Variants in PTGER3 observed in about 807,000 individuals in gnomAD.
The protein encoded by PTGER3 is prostaglandin E receptor 3, also known as prostaglandin E2 receptor EP3 subtype.
A neutral mutation model predicts 34.7 loss-of-function variants in PTGER3; 22 were observed. The observed-to-expected ratio is 0.63, with a 90% confidence interval of 0.45 to 0.91. The LOEUF is 0.91. Among genes scored for constraint, PTGER3 ranks in the 40% least tolerant of loss-of-function variants. The pLI is 0.00. For synonymous variants in PTGER3, 241 were observed against 230.1 expected (o/e 1.05, Z -0.43); for missense variants, 468 against 519.4 (o/e 0.90, Z 0.96).
chr1:70,888,841 T>A (rs1186763943), intron 4 of PTGER3, among the ~76,000 whole-genome samples: 1 of 152,138 alleles, frequency 6.6e-6, no homozygotes, highest in Non-Finnish European at 1.5e-5. Context: ...TAGAAAAAGA[T>A]GCCTGTTTCT....
intron 4 of PTGER3, among the ~76,000 whole-genome samples, chr1:70,943,192 C>A (rs148216477): frequency 2.6e-5 from 4 of 152,236 alleles, no homozygotes; most frequent in South Asian, 2.1e-4. Context: ...TAACTCCTGA[C>A]AATATGTTTG....
Position 71,047,118 on chromosome 1 carries a change from C to T in PTGER3, c.460G>A (p.Glu154Lys). 1.2e-6 allele frequency: 2 copies of T among 1,603,396 alleles called. No individual in the cohort carries two copies. Among genetic ancestry groups the T allele is most frequent in the Non-Finnish European group, 8.5e-7 (1 of 1,175,454 alleles). ...SLFIASAMAV[E>K]RALAIRAPHW... is the part of the protein sequence containing the mutation. Reference sequence around the variant, plus strand: ...GGCGCCCTGATGGCCAGCGCCCGCTCGACGGCCATGGCGCTGGCGATGAAC... The same window carrying T: ...GGCGCCCTGATGGCCAGCGCCCGCTTGACGGCCATGGCGCTGGCGATGAAC... Residue 154 changes from glutamate (E) to lysine (K), a missense_variant, in exon 1 of 4, where the codon GAG becomes AAG. By Grantham distance (56) the Glu-to-Lys change is moderately conservative. This residue lies in a region of PTGER3 where 53 missense variants were observed against 93.9 expected (regional missense o/e 0.56). Coordinates refer to ENST00000306666, the MANE Select transcript of PTGER3 (RefSeq NM_198719.2).
intron 4 of PTGER3, among the ~76,000 whole-genome samples, chr1:70,889,283 C>T (rs900174124): frequency 8.6e-5 from 13 of 151,702 alleles, no homozygotes; most frequent in Admixed American, 6.6e-5. Context: ...GGCGTGGTGG[C>T]GGGTGCCTGT....
intron 4 of PTGER3, among the ~76,000 whole-genome samples, chr1:70,935,672 A>AATATATATATATATATAT (rs10577850): frequency 2.4e-4 from 34 of 140,220 alleles, no homozygotes; most frequent in African/African-American, 7.1e-4. Flanking sequence ...TACAAATATA[A>AATATATATATATATATAT]ATATATATAT....
chr1:70,884,078 C>A, intron 4 of PTGER3: 1 of 401,066 alleles, frequency 2.5e-6, no homozygotes, highest in Non-Finnish European at 4.9e-6. Context: ...GAGAGCAAGA[C>A]TCCATCTCAA....
intron 4 of PTGER3, among the ~76,000 whole-genome samples, chr1:70,910,836 A>T (rs952982790): frequency 6.6e-6 from 1 of 152,168 alleles, no homozygotes; most frequent in African/African-American, 2.4e-5. Context: ...TAATCCCAGC[A>T]CTTTGGGAGG....
At chr1:70,938,378 T>C (rs985469228) in intron 4 of PTGER3, among the ~76,000 whole-genome samples, 1 of 152,188 alleles carries the variant, frequency 6.6e-6, no homozygotes, top group Non-Finnish European at 1.5e-5. Flanking sequence ...TTATAAAATG[T>C]ACTATAATGG....
intron 4 of PTGER3, among the ~76,000 whole-genome samples, chr1:70,941,214 A>G (rs1427827452): frequency 6.6e-6 from 1 of 152,196 alleles, no homozygotes; most frequent in Non-Finnish European, 1.5e-5. Flanking sequence ...TTTTATGAAT[A>G]TCTTTCTATA....
rs1429249395 is a variant in PTGER3, at chr1:71,017,247, G to A, written c.898-4763C>T. ...GTGGCCAGAGGGAGAGATGACTATAGAAGAATGGTCAGAGATACACAGTAT... is the reference window on the plus strand; with the variant it reads ...GTGGCCAGAGGGAGAGATGACTATAAAAGAATGGTCAGAGATACACAGTAT... On this transcript the variant is annotated intron_variant, in intron 1 of 3. Coordinates refer to ENST00000306666, the MANE Select transcript of PTGER3 (RefSeq NM_198719.2). Among the ~76,000 whole-genome samples, 5 of 152,228 alleles carry A rather than the reference G, an allele frequency of 3.3e-5. No individual in the cohort carries two copies. In the East Asian group the frequency reaches 7.7e-4, roughly 24 times the overall value.
chr1:70,992,305 C>T (rs1326344737), intron 2 of PTGER3, among the ~76,000 whole-genome samples: 1 of 152,230 alleles, frequency 6.6e-6, no homozygotes, highest in Non-Finnish European at 1.5e-5. Context: ...CAACTTTGAA[C>T]AAGCCACTTA....
intron 2 of PTGER3, among the ~76,000 whole-genome samples, chr1:70,960,589 C>A (rs985042775): frequency 1.3e-5 from 2 of 151,972 alleles, no homozygotes; most frequent in African/African-American, 4.8e-5. Context: ...AAATGAGAGA[C>A]CATACTACCA....
intron 4 of PTGER3, chr1:70,862,327 A>G (rs757898878): frequency 1.5e-6 from 2 of 1,364,240 alleles, no homozygotes; most frequent in Non-Finnish European, 9.8e-7. Flanking sequence ...AATAGTTCAC[A>G]GATACTTCAT....
At chr1:70,988,381 T>A in intron 2 of PTGER3, among the ~76,000 whole-genome samples, 1 of 152,206 alleles carries the variant, frequency 6.6e-6, no homozygotes, top group South Asian at 2.1e-4. Context: ...GCCCTGATTA[T>A]GAGGTGGATA....
intron 4 of PTGER3, chr1:70,862,291 A>C: frequency 1.5e-6 from 2 of 1,310,002 alleles, no homozygotes; most frequent in Non-Finnish European, 2.0e-6. Flanking sequence ...AGTTCTTTGG[A>C]GATCATGACT....
At chr1:70,950,617 G>C (rs1226918686), downstream of PTGER3, 1 of 152,226 alleles carries the variant, frequency 6.6e-6, no homozygotes, top group African/African-American at 2.4e-5. Flanking sequence ...CTGTTCTACA[G>C]AGAGCTAAAA....
chr1:71,007,620 T>C, intron 2 of PTGER3: 2 of 985,378 alleles, frequency 2.0e-6, no homozygotes, highest in Non-Finnish European at 2.4e-6. Flanking sequence ...CCCACCCACA[T>C]GAGTATCCTT....
chr1:71,005,791 C>A, intron 2 of PTGER3: 1 of 895,682 alleles, frequency 1.1e-6, no homozygotes, highest in South Asian at 5.2e-5. Context: ...AATGTCTCAC[C>A]CCATGGCCTG....
intron 4 of PTGER3, among the ~76,000 whole-genome samples, chr1:70,933,373 TA>T (rs1010827009): frequency 2.0e-5 from 3 of 152,156 alleles, no homozygotes; most frequent in Admixed American, 1.3e-4. Flanking sequence ...CACCCTATCA[TA>T]AAAAGATCAT....
chr1:70,862,469 T>C, intron 4 of PTGER3: 1 of 887,808 alleles, frequency 1.1e-6, no homozygotes, highest in Non-Finnish European at 1.7e-6. Context: ...GTGAAGTGAA[T>C]GGATAATTTG....
Sources: gnomAD v4.1 joint callset for allele counts (sites outside exome capture counted in the v4.1 genomes callset) on GRCh38, gnomAD v4.1.1 for gene constraint, gnomAD v4.1.1 regional missense constraint, MANE v1.5 for transcripts, NCBI Gene and HGNC (gene_info 2026-07-23, HGNC 2026-07-21) for gene names.